Variants in NEDD4 observed in about 807,000 individuals in gnomAD.
The protein encoded by NEDD4 is NEDD4 E3 ubiquitin protein ligase, also known as E3 ubiquitin-protein ligase NEDD4.
NEDD4 carries 99 observed loss-of-function variants against 144.9 expected under a neutral mutation model. That is an observed-to-expected ratio of 0.68 (90% confidence interval 0.58 to 0.81). The LOEUF (loss-of-function observed/expected upper bound fraction) is 0.81. Among genes scored for constraint, NEDD4 ranks in the 30% least tolerant of loss-of-function variants. The pLI, the probability that NEDD4 is intolerant of heterozygous loss-of-function variation, is 0.00. For synonymous variants in NEDD4, 318 were observed against 350.6 expected (o/e 0.91, Z 1.04); for missense variants, 985 against 1,065.9 (o/e 0.92, Z 1.06).
intron 1 of NEDD4, among the ~76,000 whole-genome samples, chr15:55,982,351 C>A (rs12594988): frequency 6.6e-6 from 1 of 151,892 alleles, no homozygotes; most frequent in Admixed American, 6.6e-5. Context: ...TTCATAATAG[C>A]CCAAAGTTGG....
intron 5 of NEDD4, among the ~76,000 whole-genome samples, chr15:55,912,004 C>A (rs62043852): frequency 6.6e-6 from 1 of 152,292 alleles, no homozygotes; most frequent in East Asian, 1.9e-4. Flanking sequence ...AAAATGTTTT[C>A]AAGCAAACAA....
At chr15:55,893,663 C>T (rs1447752527) in intron 5 of NEDD4, among the ~76,000 whole-genome samples, 1 of 150,754 alleles carries the variant, frequency 6.6e-6, no homozygotes, top group Non-Finnish European at 1.5e-5. Context: ...GAAAAATAAG[C>T]AGAACTTATA....
chr15:55,838,337 T>C (rs2033309640), intron 22 of NEDD4, among the ~76,000 whole-genome samples, 157 bp from the exon 23 acceptor site: 1 of 152,166 alleles, frequency 6.6e-6, no homozygotes. Context: ...CTAAAATAAA[T>C]ATGGAACGAG....
intron 11 of NEDD4, 76 bp from the exon 12 acceptor site, chr15:55,856,272 G>A: frequency 7.9e-7 from 1 of 1,266,496 alleles, no homozygotes; most frequent in Non-Finnish European, 1.1e-6. Flanking sequence ...AAGGTAGTGA[G>A]GGTAAATATG....
At chr15:55,832,407 T>C (rs2141957405) in intron 27 of NEDD4, among the ~76,000 whole-genome samples, 1 of 152,218 alleles carries the variant, frequency 6.6e-6, no homozygotes, top group African/African-American at 2.4e-5. Context: ...ACTATCACAT[T>C]AGAAGTAATG....
chr15:55,831,741 T>A (rs1026753862), intron 27 of NEDD4, among the ~76,000 whole-genome samples: 93 of 152,298 alleles, frequency 6.1e-4, no homozygotes, highest in African/African-American at 2.1e-3. Context: ...TATCCCATCA[T>A]ATGGTCAGCT....
intron 5 of NEDD4, among the ~76,000 whole-genome samples, chr15:55,904,596 C>T (rs79648055): frequency 0.08 from 12,215 of 152,208 alleles, 595 homozygotes; most frequent in Admixed American, 0.12. Context: ...AGCCACCACA[C>T]CCGGCGTATT....
intron 1 of NEDD4, among the ~76,000 whole-genome samples, chr15:55,984,432 T>C (rs2037856858): frequency 6.6e-6 from 1 of 152,178 alleles, no homozygotes; most frequent in Non-Finnish European, 1.5e-5. Flanking sequence ...ACAGCTAAAG[T>C]ATGAAAAAAT....
chr15:55,976,978 G>A (rs1363595053), intron 1 of NEDD4, among the ~76,000 whole-genome samples: 1 of 152,140 alleles, frequency 6.6e-6, no homozygotes, highest in Non-Finnish European at 1.5e-5. Flanking sequence ...AAATATTATA[G>A]CACAAGAGAT....
intron 1 of NEDD4, among the ~76,000 whole-genome samples, chr15:55,976,618 T>C (rs1200711720): frequency 1.4e-5 from 2 of 140,666 alleles, no homozygotes; most frequent in Admixed American, 1.6e-4. Context: ...TTATCCAATC[T>C]GGGCAAAAAT....
intron 4 of NEDD4, 143 bp from the exon 5 acceptor site, chr15:55,924,842 T>C: frequency 2.9e-6 from 2 of 700,528 alleles, no homozygotes; most frequent in East Asian, 2.9e-5. Context: ...CCGAGGTGGG[T>C]GGATCGCCTG....
chr15:55,955,814 A>ATTTT (rs71297639), intron 2 of NEDD4, among the ~76,000 whole-genome samples: 3 of 130,270 alleles, frequency 2.3e-5, no homozygotes, highest in Admixed American at 8.0e-5. Flanking sequence ...TCTATACTAC[A>ATTTT]TTTTTTTTTT....
At position 55,973,047 on chromosome 15, in the gene NEDD4, A is replaced by G. The variant is rs2037637385; in HGVS notation, c.46-6501T>C. 5.3e-5 allele frequency among the ~76,000 whole-genome samples: 8 copies of G among 152,350 alleles called. 1 individual carries two copies. In the South Asian group the frequency reaches 1.5e-3, roughly 28 times the overall value. ...AATATAGTAATAGTTGGAAATTTCA[A>G]TATCCCACTTTCGGCACTGGATAGA... is the stretch of plus-strand genomic sequence containing the variant. On this transcript the variant is annotated intron_variant, in intron 1 of 28. Coordinates refer to ENST00000435532, the MANE Select transcript of NEDD4 (RefSeq NM_006154.4).
rs960206969 is a variant in NEDD4, at chr15:55,829,519, T to C, written c.*378A>G. 2 of 158,904 alleles carry C rather than the reference T, an allele frequency of 1.3e-5. No individual in the cohort carries two copies. The highest frequency in any genetic ancestry group is 6.1e-5 in the Admixed American group (1 of 16,274). 9.8% of individuals were successfully genotyped at this position (158,904 alleles called of 1,614,324 possible). On this transcript the variant is annotated 3_prime_UTR_variant, in exon 29 of 29. Coordinates refer to ENST00000435532, the MANE Select transcript of NEDD4 (RefSeq NM_006154.4). Reference sequence around the variant, plus strand: ...ACGTATCACAAATATTTCACAGTTATCATCTCAGTAGTTTAAGAAAAAACT... The same window carrying C: ...ACGTATCACAAATATTTCACAGTTACCATCTCAGTAGTTTAAGAAAAAACT...
At chr15:55,958,326 C>T (rs144753611) in intron 2 of NEDD4, among the ~76,000 whole-genome samples, 4,405 of 152,102 alleles carry the variant, frequency 0.029, 73 homozygotes, top group Non-Finnish European at 0.035. Flanking sequence ...CAGTGAATTG[C>T]ATTAATTAAT....
At chr15:55,985,760 T>TACAC (rs3049246) in intron 1 of NEDD4, among the ~76,000 whole-genome samples, 13,875 of 148,354 alleles carry the variant, frequency 0.094, 673 homozygotes, top group East Asian at 0.16. Context: ...AGAGTACACA[T>TACAC]ACACACACAC....
chr15:55,950,979 G>T lies in NEDD4; in HGVS notation c.237+397C>A, dbSNP rs142608757. On this transcript the variant is annotated intron_variant, in intron 4 of 28. Transcript: ENST00000435532. ...ATTTGCTTTTATGGTAAATGAGGCA[G>T]ATGGGGTGGAAAGGCAGCAATGTCA... 1.4e-3 allele frequency among the ~76,000 whole-genome samples: 210 copies of T among 152,286 alleles called. 1 individual carries two copies. Among genetic ancestry groups the T allele is most frequent in the African/African-American group, 4.9e-3 (204 of 41,544 alleles).
At chr15:55,830,639 C>T in intron 27 of NEDD4, 53 bp from the exon 28 acceptor site, 1 of 1,480,878 alleles carries the variant, frequency 6.8e-7, no homozygotes. Flanking sequence ...GATCTCCAGG[C>T]ATATCAAAAC....
intron 2 of NEDD4, among the ~76,000 whole-genome samples, chr15:55,962,792 TTTTTA>T (rs1434206011): frequency 1.3e-5 from 2 of 152,120 alleles, no homozygotes; most frequent in East Asian, 3.9e-4. Context: ...ACTTTTATTT[TTTTTA>T]TTTTATTTTT....
Sources: allele counts gnomAD v4.1 joint callset (sites outside exome capture counted in the v4.1 genomes callset), GRCh38; gene constraint gnomAD v4.1.1; transcripts MANE v1.5; gene names NCBI Gene and HGNC (gene_info 2026-07-23, HGNC 2026-07-21).